HRH2: variants seen among roughly 807,000 people sequenced by gnomAD.
HRH2 encodes the protein histamine receptor H2, also known as histamine H2 receptor.
Under a neutral mutation model 20.1 loss-of-function variants are expected in HRH2, and 4 were observed. The ratio of observed to expected loss-of-function variants is 0.20; its 90% CI spans 0.10 to 0.45. The LOEUF (loss-of-function observed/expected upper bound fraction) is 0.45, where lower values mean the gene tolerates loss of function less well. Ranked by LOEUF, HRH2 falls within the 20% of genes least tolerant of loss-of-function variation. HRH2 has a pLI of 0.99. For missense variants in HRH2, 250 were observed against 461.6 expected (o/e 0.54, Z 4.20); for synonymous variants, 197 against 200.7 (o/e 0.98, Z 0.16).
At chr5:175,691,797 C>T (rs1756392693) in intron 2 of HRH2, among the ~76,000 whole-genome samples, 1 of 151,260 alleles carries the variant, frequency 6.6e-6, no homozygotes. Flanking sequence ...GCAGGAGAAT[C>T]ACTTGAACCT....
chr5:175,670,285 A>T (rs1019881931), intron 1 of HRH2, among the ~76,000 whole-genome samples: 3 of 150,718 alleles, frequency 2.0e-5, no homozygotes, highest in East Asian at 1.9e-4. Flanking sequence ...TTTTTTTTTT[A>T]AAGTAACTGG....
chr5:175,663,789 A>G, intron 1 of HRH2, among the ~76,000 whole-genome samples: 1 of 152,098 alleles, frequency 6.6e-6, no homozygotes, highest in Middle Eastern at 3.2e-3. Context: ...GTTTTCTTTG[A>G]TCGTATTTTC....
intron 1 of HRH2, among the ~76,000 whole-genome samples, chr5:175,667,709 C>CA (rs1192828875): frequency 3.3e-5 from 5 of 152,048 alleles, no homozygotes; most frequent in African/African-American, 1.2e-4. Context: ...TCATAGTTTC[C>CA]AAGAAGTGAT....
rs1292327663 is a variant in HRH2, at chr5:175,702,100, A to G, written c.1077-5679A>G. Among the ~76,000 whole-genome samples the G allele has an allele frequency of 2.0e-5, 3 of 152,210 alleles. No homozygotes were observed. In the East Asian group the frequency reaches 5.8e-4, roughly 29 times the overall value. ...CCAGCTTATGCACGGCATGGGGGGCAAGTAAGAGAGAGAGGGGCTCCTGCC... is the reference window on the plus strand; with the variant it reads ...CCAGCTTATGCACGGCATGGGGGGCGAGTAAGAGAGAGAGGGGCTCCTGCC... On this transcript the variant is annotated intron_variant, in intron 2 of 2. Transcript: ENST00000636584.
chr5:175,670,576 T>C (rs1179065630), intron 1 of HRH2, among the ~76,000 whole-genome samples: 1 of 152,194 alleles, frequency 6.6e-6, no homozygotes, highest in Non-Finnish European at 1.5e-5. Context: ...ACCACTAGGC[T>C]ATTTCCTGTC....
chr5:175,677,140 G>T lies in HRH2; in HGVS notation c.-525-5569G>T, dbSNP rs574505578. Among the ~76,000 whole-genome samples, 1 of 152,158 alleles carries T rather than the reference G, an allele frequency of 6.6e-6. No homozygotes were observed. Among genetic ancestry groups the T allele is most frequent in the East Asian group, 1.9e-4 (1 of 5,166 alleles). On this transcript the variant is annotated intron_variant, in intron 1 of 2. Transcript: ENST00000636584. This position sits in a 1 kb window ranked among gnomAD's most constrained non-coding sequence, Gnocchi z 4.2. ...CTCCCGAGTAGCCTGCCCTACAGGC[G>T]TGCACAACTATGCCCAGCTAATTTT...
At position 175,693,615 on chromosome 5, in the gene HRH2, C is replaced by T. The variant is rs1391479633; in HGVS notation, c.1076+9306C>T. ...CTCCTTCTCATGCTGAATCTGGAGA[C>T]GTAGAGTTTTAAAACTTACTGTGAA... On this transcript the variant is annotated intron_variant, in intron 2 of 2. Transcript: ENST00000636584. This position sits in a 1 kb window ranked among gnomAD's most constrained non-coding sequence, Gnocchi z 4.4. 2.0e-5 allele frequency among the ~76,000 whole-genome samples: 3 copies of T among 152,130 alleles called. No individual in the cohort carries two copies. Among genetic ancestry groups the T allele is most frequent in the Non-Finnish European group, 4.4e-5 (3 of 68,028 alleles).
intron 1 of HRH2, among the ~76,000 whole-genome samples, chr5:175,665,886 G>C (rs1762873116): frequency 6.6e-6 from 1 of 151,834 alleles, no homozygotes; most frequent in South Asian, 2.1e-4. Context: ...CTTTTGCAGA[G>C]ACCACAAGAT....
chr5:175,670,393 G>A (rs1272435915), intron 1 of HRH2, among the ~76,000 whole-genome samples: 1 of 152,178 alleles, frequency 6.6e-6, no homozygotes, highest in East Asian at 1.9e-4. Context: ...CTCCTCAGTA[G>A]ACTGAATTCA....
rs2241562 is a variant in HRH2, at chr5:175,684,809, G to C, written c.1076+500G>C. On this transcript the variant is annotated intron_variant, in intron 2 of 2. Coordinates refer to ENST00000636584, the MANE Select transcript of HRH2 (RefSeq NM_001367711.1). ...CTGCTATGCATCAGCTCTTACCGTG[G>C]GGGGGGTGTAAGTTGGTGGGGAAAG... Among the ~76,000 whole-genome samples the C allele has an allele frequency of 1.6e-3, 243 of 152,254 alleles. 2 individuals carry two copies. In the East Asian group the frequency reaches 0.039, roughly 25 times the overall value.
intron 2 of HRH2, chr5:175,691,469 A>T (rs1346214173): frequency 6.6e-6 from 1 of 152,538 alleles, no homozygotes; most frequent in East Asian, 1.9e-4. Context: ...CCTTGCCCTG[A>T]TCTACACCTC....
intron 1 of HRH2, among the ~76,000 whole-genome samples, chr5:175,680,885 T>A (rs536641453): frequency 3.0e-4 from 45 of 152,114 alleles, no homozygotes; most frequent in Non-Finnish European, 5.7e-4. Flanking sequence ...TGGAGTAGCA[T>A]CTGACACATT....
chr5:175,669,566 G>A (rs1581413821), intron 1 of HRH2, among the ~76,000 whole-genome samples: 1 of 152,108 alleles, frequency 6.6e-6, no homozygotes, highest in East Asian at 1.9e-4. Context: ...GTTTCACTAT[G>A]TTGGCCAGGC....
intron 1 of HRH2, among the ~76,000 whole-genome samples, chr5:175,679,326 G>C (rs971117682): frequency 1.3e-5 from 2 of 152,132 alleles, no homozygotes; most frequent in East Asian, 3.9e-4. Flanking sequence ...ACCTCAGAAA[G>C]CACAAGCCTC....
At chr5:175,658,569 C>T (rs1762637008) in intron 1 of HRH2, among the ~76,000 whole-genome samples, 1 of 152,138 alleles carries the variant, frequency 6.6e-6, no homozygotes, top group African/African-American at 2.4e-5. Context: ...GGCATTTTCT[C>T]GCGGCGATGT....
chr5:175,696,148 G>A (rs17601481), intron 2 of HRH2, among the ~76,000 whole-genome samples: 16,927 of 152,306 alleles, frequency 0.11, 1,890 homozygotes, highest in African/African-American at 0.28. Flanking sequence ...GTGAGCCACC[G>A]TTGGCATGAG....
Position 175,683,199 on chromosome 5 carries a change from G to T in HRH2, c.-35G>T, listed in dbSNP as rs1360565316. On this transcript the variant is annotated 5_prime_UTR_variant, in exon 2 of 3. Coordinates refer to ENST00000636584, the MANE Select transcript of HRH2 (RefSeq NM_001367711.1). ...GGGAGCAGAGAAGAAGCAACCAGGGGCCCTGATCAGGGGACTGAGCCGTAG... is the reference window on the plus strand; with the variant it reads ...GGGAGCAGAGAAGAAGCAACCAGGGTCCCTGATCAGGGGACTGAGCCGTAG... The T allele has an allele frequency of 6.8e-5, 108 of 1,589,276 alleles. No individual in the cohort carries two copies. The highest frequency in any genetic ancestry group is 9.1e-5 in the Non-Finnish European group (106 of 1,164,690).
chr5:175,708,242 A>G lies in HRH2; in HGVS notation c.*271A>G. On this transcript the variant is annotated 3_prime_UTR_variant, in exon 3 of 3. Transcript: ENST00000636584. ...AGCTCACGTTGGTGCTGGCCCTGGG[A>G]GTCATGAGCAGAGACGGTGGGACAG... 3.0e-6 allele frequency: 1 copy of G among 328,110 alleles called. No individual in the cohort carries two copies. The highest frequency in any genetic ancestry group is 4.9e-5 in the Admixed American group (1 of 20,358). 20.3% of individuals were successfully genotyped at this position (328,110 alleles called of 1,614,324 possible).
intron 2 of HRH2, among the ~76,000 whole-genome samples, chr5:175,706,233 T>C (rs1382962532): frequency 2.6e-5 from 4 of 152,238 alleles, no homozygotes; most frequent in South Asian, 4.1e-4. Flanking sequence ...TGCTTTTCAA[T>C]AGTCCTTAAG....
Sources: allele counts gnomAD v4.1 joint callset (sites outside exome capture counted in the v4.1 genomes callset), GRCh38; gene constraint gnomAD v4.1.1; non-coding constraint Gnocchi (gnomAD v3.1); transcripts MANE v1.5; gene names NCBI Gene and HGNC (gene_info 2026-07-23, HGNC 2026-07-21).